Variants in PPFIA1 observed in about 807,000 individuals in gnomAD.
PPFIA1 encodes PPFI scaffold protein A1.
A neutral mutation model predicts 149.9 loss-of-function variants in PPFIA1; 25 were observed. The observed-to-expected ratio is 0.17, with a 90% confidence interval of 0.12 to 0.23. The LOEUF (loss-of-function observed/expected upper bound fraction) is 0.23, where lower values mean the gene tolerates loss of function less well. Ranked by LOEUF, PPFIA1 falls within the 10% of genes least tolerant of loss-of-function variation. The pLI is 1.00. For missense variants in PPFIA1, 1,362 were observed against 1,506.5 expected, an observed-to-expected ratio of 0.90 and a Z score of 1.59; for synonymous variants, 549 against 552.8, an observed-to-expected ratio of 0.99 and a Z score of 0.10.
intron 14 of PPFIA1, chr11:70,342,233 C>G (rs182061415): frequency 6.6e-6 from 1 of 152,430 alleles, no homozygotes; most frequent in African/African-American, 2.4e-5. Context: ...GCCGGAGATC[C>G]GGGTGTGAGC....
intron 15 of PPFIA1, among the ~76,000 whole-genome samples, chr11:70,345,023 G>C (rs2055601412): frequency 6.6e-6 from 1 of 151,162 alleles, no homozygotes; most frequent in Non-Finnish European, 1.5e-5. Context: ...TGGCCACCGG[G>C]GCTGCTCTAG....
intron 17 of PPFIA1, among the ~76,000 whole-genome samples, chr11:70,355,383 G>C (rs1478670296): frequency 2.0e-5 from 3 of 152,154 alleles, no homozygotes; most frequent in Non-Finnish European, 4.4e-5. Context: ...AGACCATTGG[G>C]CTTTGGCACC....
chr11:70,286,167 AAATTCAATATTGGCTC>A (rs2051106233), intron 2 of PPFIA1, among the ~76,000 whole-genome samples: 1 of 152,108 alleles, frequency 6.6e-6, no homozygotes. Context: ...TGGGCTCCTT[AAATTCAATATTGGCTC>A]AAACCATCTT....
intron 19 of PPFIA1, among the ~76,000 whole-genome samples, chr11:70,357,140 A>T (rs561997329): frequency 7.9e-5 from 12 of 152,362 alleles, no homozygotes; most frequent in Admixed American, 2.0e-4. Flanking sequence ...CAGTTTGTGT[A>T]GTCCATGGGA....
At chr11:70,344,124 G>C (rs2055530189) in intron 15 of PPFIA1, among the ~76,000 whole-genome samples, 1 of 152,262 alleles carries the variant, frequency 6.6e-6, no homozygotes, top group Non-Finnish European at 1.5e-5. Context: ...CCTTTCTGTA[G>C]GACATTGTGG....
Position 70,333,461 on chromosome 11 carries a change from T to C in PPFIA1, c.1213-9T>C. 1 of 1,608,152 alleles carries C rather than the reference T, an allele frequency of 6.2e-7. No individual in the cohort carries two copies. The highest frequency in any genetic ancestry group is 8.5e-7 in the Non-Finnish European group (1 of 1,175,914). On this transcript the variant is annotated splice_polypyrimidine_tract_variant and intron_variant, in intron 9 of 27. Transcript: ENST00000253925. ...GGATGACGTCAGCGTACGCTGTTTC[T>C]GCTGACAGGCTGAAGAGAGACACGG...
chr11:70,360,473 T>G (rs1234026378), intron 19 of PPFIA1, among the ~76,000 whole-genome samples: 1 of 152,238 alleles, frequency 6.6e-6, no homozygotes, highest in South Asian at 2.1e-4. Context: ...CCCCGGACGC[T>G]CAAAGCCTTA....
At chr11:70,371,089 G>A (rs921270509) in intron 21 of PPFIA1, among the ~76,000 whole-genome samples, 2 of 152,278 alleles carry the variant, frequency 1.3e-5, no homozygotes, top group South Asian at 2.1e-4. Flanking sequence ...CCGAGGTCGC[G>A]CTACTGCACT....
At chr11:70,380,136 G>A (rs529767825) in intron 26 of PPFIA1, among the ~76,000 whole-genome samples, 102 of 152,290 alleles carry the variant, frequency 6.7e-4, no homozygotes, top group African/African-American at 2.2e-3. Flanking sequence ...GGCCGGGCGC[G>A]GTGGCTCACG....
chr11:70,322,423 C>T (rs949634665), intron 2 of PPFIA1, among the ~76,000 whole-genome samples: 5 of 152,100 alleles, frequency 3.3e-5, no homozygotes, highest in African/African-American at 1.2e-4. Context: ...GGTGGGAGGA[C>T]ATGGACAGAA....
Position 70,348,361 on chromosome 11 carries a change from C to T in PPFIA1, c.2104C>T (p.Pro702Ser), listed in dbSNP as rs779080896. 17 of 1,614,092 alleles carry T rather than the reference C, an allele frequency of 1.1e-5. No homozygotes were observed. Among genetic ancestry groups the T allele is most frequent in the Non-Finnish European group, 1.4e-5 (17 of 1,179,960 alleles). ...CCCTCCGGGCAGTGGGCGCTCCACC[C>T]CACGAAGGATCCCTCACAGCCCAGC... ...SSPPGSGRST[P>S]RRIPHSPARE... Residue 702 changes from proline to serine, a missense_variant, in exon 16 of 28, where the codon CCA becomes TCA. Around this residue, in one of 7 missense-constraint regions of PPFIA1, gnomAD observed 733 missense variants for 744.1 expected, o/e 0.99. Coordinates refer to ENST00000253925, the MANE Select transcript of PPFIA1 (RefSeq NM_003626.5).
intron 17 of PPFIA1, 21 bp from the exon 18 acceptor site, chr11:70,355,618 A>G: frequency 6.3e-7 from 1 of 1,582,298 alleles, no homozygotes; most frequent in Non-Finnish European, 8.6e-7. Flanking sequence ...CATAGTAAAG[A>G]TCCGTTTTCT....
chr11:70,353,559 G>A (rs533528650), intron 16 of PPFIA1, among the ~76,000 whole-genome samples: 1 of 152,266 alleles, frequency 6.6e-6, no homozygotes, highest in South Asian at 2.1e-4. Context: ...CCACCATCCT[G>A]CTCCCTCAGC....
chr11:70,287,352 G>T (rs1276339867), intron 2 of PPFIA1, among the ~76,000 whole-genome samples: 1 of 152,032 alleles, frequency 6.6e-6, no homozygotes, highest in Non-Finnish European at 1.5e-5. Flanking sequence ...TCTGAGATTA[G>T]GCCTTTCTTA....
intron 2 of PPFIA1, among the ~76,000 whole-genome samples, chr11:70,315,907 T>C (rs563626342): frequency 5.9e-5 from 9 of 152,126 alleles, no homozygotes; most frequent in African/African-American, 2.2e-4. Context: ...TCCAGACACC[T>C]ACCATTCTAT....
chr11:70,302,586 G>T (rs2052559347), intron 2 of PPFIA1, among the ~76,000 whole-genome samples: 1 of 152,100 alleles, frequency 6.6e-6, no homozygotes, highest in East Asian at 1.9e-4. Flanking sequence ...TTTCTGGTAG[G>T]CAATGTCATG....
chr11:70,304,191 C>T (rs2052688472), intron 2 of PPFIA1, among the ~76,000 whole-genome samples: 1 of 152,166 alleles, frequency 6.6e-6, no homozygotes, highest in Admixed American at 6.5e-5. Context: ...GGATAGGATT[C>T]TGGGGGCTCT....
In PPFIA1 at chr11:70,359,371, C is replaced by T. The variant is rs1179834806; in HGVS notation, c.2583-2724C>T. Among the ~76,000 whole-genome samples, 8 of 152,296 alleles carry T rather than the reference C, an allele frequency of 5.3e-5. No individual in the cohort carries two copies. The South Asian group carries it at 1.2e-3, about 24-fold the overall frequency. ...TGACTCCATCCATTTCTCATCAGGG[C>T]GACCCTACATCTTTCCTCAGGACTC... On this transcript the variant is annotated intron_variant, in intron 19 of 27. Coordinates refer to ENST00000253925, the MANE Select transcript of PPFIA1 (RefSeq NM_003626.5).
At chr11:70,377,271 A>C (rs2057530940) in intron 25 of PPFIA1, among the ~76,000 whole-genome samples, 1 of 152,156 alleles carries the variant, frequency 6.6e-6, no homozygotes, top group Admixed American at 6.6e-5. Flanking sequence ...CCCAGTCCAG[A>C]GTGTACCCCC....
Sources: allele counts gnomAD v4.1 joint callset (sites outside exome capture counted in the v4.1 genomes callset), GRCh38; gene constraint gnomAD v4.1.1; regional missense constraint gnomAD v4.1.1; transcripts MANE v1.5; gene names NCBI Gene and HGNC (gene_info 2026-07-23, HGNC 2026-07-21).